The following STARD6 variants were observed in gnomAD, a reference collection of about 807,000 sequenced individuals.
STARD6 encodes the protein stAR-related lipid transfer protein 6.
STARD6 carries 21 observed loss-of-function variants against 22.3 expected under a neutral mutation model. That is an observed-to-expected ratio of 0.94 (90% CI 0.67 to 1.35). STARD6 has a LOEUF of 1.35. Ranked by LOEUF, STARD6 falls within the 40% of genes most tolerant of loss-of-function variation. STARD6 has a pLI of 0.00. For synonymous variants in STARD6, 80 were observed against 88.1 expected (o/e 0.91, Z 0.52); for missense variants, 269 against 266.9 (o/e 1.01, Z -0.05).
intron 4 of STARD6, among the ~76,000 whole-genome samples, chr18:54,343,438 C>T (rs1353090505): frequency 2.1e-4 from 29 of 135,088 alleles, no homozygotes; most frequent in Non-Finnish European, 3.2e-4. Context: ...GCCCCCTGCC[C>T]GGCCAGCCGC....
chr18:54,342,420 T>C (rs565459024), intron 4 of STARD6, among the ~76,000 whole-genome samples: 1 of 106,058 alleles, frequency 9.4e-6, no homozygotes, highest in Non-Finnish European at 2.0e-5. Context: ...GAAAATGCTC[T>C]CCGTCTCCCT....
At chr18:54,344,016 G>A (rs1478692872) in intron 4 of STARD6, among the ~76,000 whole-genome samples, 8 of 48,156 alleles carry the variant, frequency 1.7e-4, no homozygotes, top group Non-Finnish European at 2.1e-4. Flanking sequence ...CTGCCCGGCC[G>A]CCCCTACTGG....
chr18:54,337,536 T>C (rs2088927462), intron 4 of STARD6, among the ~76,000 whole-genome samples: 1 of 152,230 alleles, frequency 6.6e-6, no homozygotes, highest in Admixed American at 6.5e-5. Flanking sequence ...TTTTTGACTG[T>C]ACGGTGGGTT....
At chr18:54,348,146 T>C (rs559951775) in intron 4 of STARD6, among the ~76,000 whole-genome samples, 2 of 152,288 alleles carry the variant, frequency 1.3e-5, no homozygotes, top group South Asian at 4.1e-4. Flanking sequence ...CTTTCTTTTG[T>C]AAACTGCCCA....
intron 4 of STARD6, among the ~76,000 whole-genome samples, chr18:54,345,379 T>C (rs1005372937): frequency 6.6e-6 from 1 of 152,148 alleles, no homozygotes; most frequent in Non-Finnish European, 1.5e-5. Flanking sequence ...TTAAGACATA[T>C]ACTGAAACTT....
chr18:54,348,270 T>C (rs573638429), intron 4 of STARD6, among the ~76,000 whole-genome samples: 48 of 152,102 alleles, frequency 3.2e-4, no homozygotes, highest in Non-Finnish European at 4.4e-5. Flanking sequence ...CCTCAGAAGG[T>C]AGAATAGAGG....
chr18:54,326,037 G>A (rs1208757360), intron 7 of STARD6, among the ~76,000 whole-genome samples: 2 of 152,068 alleles, frequency 1.3e-5, no homozygotes, highest in African/African-American at 4.8e-5. Context: ...ACTTCCATAT[G>A]CATTTTTTCC....
chr18:54,351,899 GTTTTTT>G (rs60888927), intron 4 of STARD6, among the ~76,000 whole-genome samples: 1 of 70,656 alleles, frequency 1.4e-5, no homozygotes, highest in East Asian at 4.4e-4. Context: ...ATATTGGTCC[GTTTTTT>G]TTTTTTTTTT....
At chr18:54,328,723 A>G (rs1255545648) in intron 7 of STARD6, among the ~76,000 whole-genome samples, 1 of 152,146 alleles carries the variant, frequency 6.6e-6, no homozygotes, top group African/African-American at 2.4e-5. Context: ...ATAAAAAATC[A>G]TTTAGCAAAC....
chr18:54,347,108 T>C (rs72931056), intron 4 of STARD6, among the ~76,000 whole-genome samples: 30,945 of 151,988 alleles, frequency 0.2, 3,460 homozygotes, highest in Middle Eastern at 0.33. Context: ...AAGTCCTTTT[T>C]TTCTGAATTA....
At chr18:54,332,541 T>C (rs576541077) in intron 5 of STARD6, among the ~76,000 whole-genome samples, 2 of 152,320 alleles carry the variant, frequency 1.3e-5, no homozygotes, top group South Asian at 2.1e-4. Flanking sequence ...ACACAAAGGC[T>C]ACCTCCCACA....
chr18:54,333,547 C>T (rs1158239166), intron 5 of STARD6, among the ~76,000 whole-genome samples: 1 of 152,030 alleles, frequency 6.6e-6, no homozygotes, highest in Non-Finnish European at 1.5e-5. Flanking sequence ...TTTGTGATGC[C>T]CAGTGGTTCT....
chr18:54,324,783 T>C lies in STARD6; in HGVS notation c.572A>G (p.Asn191Ser), dbSNP rs760713634. Residue 191 changes from asparagine (N) to serine (S), a missense_variant, in exon 8 of 8, where the codon AAC (asparagine) becomes AGC (serine). Physicochemically the swap from Asn to Ser is conservative, Grantham distance 46. Coordinates refer to ENST00000307844, the MANE Select transcript of STARD6 (RefSeq NM_139171.2). ...TGCATTGAGGATGAAGTTTACTAAGTTGGAAGGCATGGTTTTTTCAATTAT... is the reference window on the plus strand; with the variant it reads ...TGCATTGAGGATGAAGTTTACTAAGCTGGAAGGCATGGTTTTTTCAATTAT... Reference protein sequence around the residue: ...PSIIEKTMPSNLVNFILNAKD... With the variant: ...PSIIEKTMPSSLVNFILNAKD... 6.2e-7 allele frequency: 1 copy of C among 1,609,588 alleles called. No homozygotes were observed. The highest frequency in any genetic ancestry group is 2.3e-5 in the East Asian group (1 of 44,394).
Position 54,354,516 on chromosome 18 carries a change from C to G in STARD6, c.58G>C (p.Asp20His), listed in dbSNP as rs142770263. The G allele has an allele frequency of 8.1e-6, 13 of 1,613,498 alleles. No individual in the cohort carries two copies. The highest frequency in any genetic ancestry group is 1.0e-5 in the Non-Finnish European group (12 of 1,179,716). Residue 20 changes from aspartate (D) to histidine (H), a missense_variant, in exon 3 of 8, where the codon GAT becomes CAT. Coordinates refer to ENST00000307844, the MANE Select transcript of STARD6 (RefSeq NM_139171.2). ...TTAACCACTTTCCAGCCTGATGTAT[C>G]TCGATTATAACCTAAAACTTCTTGG... Reference protein sequence around the residue: ...TAQEVLGYNRDTSGWKVVKTS... With the variant: ...TAQEVLGYNRHTSGWKVVKTS...
chr18:54,327,619 C>T lies in STARD6; in HGVS notation c.479+1728G>A, dbSNP rs193069323. On this transcript the variant is annotated intron_variant, in intron 7 of 7. Transcript: ENST00000307844. ...CTTTTTAAAAAATGTCAATGTTTAG[C>T]GCATGCTGGGAATTGTACTTTTCAT... 7.2e-5 allele frequency among the ~76,000 whole-genome samples: 11 copies of T among 152,018 alleles called. No homozygotes were observed. In the East Asian group the frequency reaches 1.5e-3, roughly 21 times the overall value.
intron 1 of STARD6, among the ~76,000 whole-genome samples, chr18:54,357,346 G>A (rs1406673750): frequency 6.6e-6 from 1 of 152,110 alleles, no homozygotes; most frequent in Admixed American, 6.5e-5. Flanking sequence ...AGGCTTCCTA[G>A]GAGTTTGTTA....
At chr18:54,327,425 T>A (rs1008007284) in intron 7 of STARD6, among the ~76,000 whole-genome samples, 7 of 152,104 alleles carry the variant, frequency 4.6e-5, no homozygotes, top group Non-Finnish European at 1.0e-4. Flanking sequence ...TCTATTAGAA[T>A]AAAATTATAT....
intron 7 of STARD6, among the ~76,000 whole-genome samples, chr18:54,327,333 A>G (rs1469924607): frequency 6.6e-6 from 1 of 152,214 alleles, no homozygotes; most frequent in Non-Finnish European, 1.5e-5. Context: ...TAGGAAATAA[A>G]ACACATTTTA....
intron 4 of STARD6, among the ~76,000 whole-genome samples, chr18:54,344,596 A>AG (rs2089017842): frequency 7.8e-6 from 1 of 128,468 alleles, no homozygotes; most frequent in African/African-American, 3.0e-5. Context: ...AAAAAAAAAA[A>AG]AAAAAGAAAA....
Sources: allele counts gnomAD v4.1 joint callset (sites outside exome capture counted in the v4.1 genomes callset), GRCh38; gene constraint gnomAD v4.1.1; transcripts MANE v1.5; gene names NCBI Gene and HGNC (gene_info 2026-07-23, HGNC 2026-07-21).